Variants in WDR70 observed in about 807,000 individuals in gnomAD.
WDR70 encodes WD repeat domain 70, also known as WD repeat-containing protein 70.
A neutral mutation model predicts 88.6 loss-of-function variants in WDR70; 53 were observed. The observed-to-expected ratio is 0.60, with a 90% confidence interval of 0.48 to 0.75. The LOEUF (loss-of-function observed/expected upper bound fraction) is 0.75. Ranked by LOEUF, WDR70 falls within the 30% of genes least tolerant of loss-of-function variation. The pLI, the probability that WDR70 is intolerant of heterozygous loss-of-function variation, is 0.00. For synonymous variants in WDR70, 280 were observed against 270.0 expected (o/e 1.04, Z -0.36); for missense variants, 610 against 823.2 (o/e 0.74, Z 3.17).
At chr5:37,672,657 T>A (rs116481697) in intron 10 of WDR70, among the ~76,000 whole-genome samples, 2,073 of 152,256 alleles carry the variant, frequency 0.014, 40 homozygotes, top group African/African-American at 0.046. Flanking sequence ...TCCCCACTCT[T>A]AGCCTGTTCT....
chr5:37,512,278 AGTG>A (rs1158840739), intron 8 of WDR70, among the ~76,000 whole-genome samples: 1 of 151,806 alleles, frequency 6.6e-6, no homozygotes, highest in Non-Finnish European at 1.5e-5. Flanking sequence ...GCTGGAGTGT[AGTG>A]GTGTGATCTC....
At chr5:37,563,179 A>ACC (rs1227696112) in intron 9 of WDR70, among the ~76,000 whole-genome samples, 1 of 53,014 alleles carries the variant, frequency 1.9e-5, no homozygotes, top group African/African-American at 5.5e-5. Context: ...CGGGGGGCTG[A>ACC]CCCCCCCACC....
intron 10 of WDR70, among the ~76,000 whole-genome samples, chr5:37,666,703 C>G (rs1333188406): frequency 6.6e-6 from 1 of 152,084 alleles, no homozygotes; most frequent in African/African-American, 2.4e-5. Context: ...AAATGAGGGT[C>G]AGAGCAGAGG....
At chr5:37,631,450 A>G (rs1204337670) in intron 10 of WDR70, among the ~76,000 whole-genome samples, 1 of 152,188 alleles carries the variant, frequency 6.6e-6, no homozygotes, top group Non-Finnish European at 1.5e-5. Flanking sequence ...TGATAGTAGT[A>G]ATAATAATTA....
chr5:37,583,420 C>CAAAA (rs142442041), intron 9 of WDR70, among the ~76,000 whole-genome samples: 1 of 59,258 alleles, frequency 1.7e-5, no homozygotes, highest in African/African-American at 5.1e-5. Context: ...GACTCTGTCT[C>CAAAA]AAAAAAAAAA....
At chr5:37,401,848 A>G (rs374419345) in intron 5 of WDR70, among the ~76,000 whole-genome samples, 2 of 152,152 alleles carry the variant, frequency 1.3e-5, no homozygotes, top group East Asian at 1.9e-4. Context: ...GTGATCCTCC[A>G]CACCTGTATA....
chr5:37,627,125 G>C (rs919092714), intron 10 of WDR70, among the ~76,000 whole-genome samples: 1 of 151,958 alleles, frequency 6.6e-6, no homozygotes, highest in Non-Finnish European at 1.5e-5. Flanking sequence ...GTCTCACTCT[G>C]TTGCCCAGGC....
intron 17 of WDR70, among the ~76,000 whole-genome samples, chr5:37,730,098 A>G: frequency 6.6e-6 from 1 of 152,192 alleles, no homozygotes; most frequent in Non-Finnish European, 1.5e-5. Flanking sequence ...TAATTACAAC[A>G]TATGAACACA....
intron 9 of WDR70, among the ~76,000 whole-genome samples, chr5:37,552,525 T>G (rs1024210487): frequency 6.6e-6 from 1 of 152,076 alleles, no homozygotes; most frequent in African/African-American, 2.4e-5. Flanking sequence ...GCAAGAGGAG[T>G]GAAAGCAGTG....
At chr5:37,529,996 T>G (rs752752028) in intron 9 of WDR70, among the ~76,000 whole-genome samples, 13 of 152,124 alleles carry the variant, frequency 8.5e-5, no homozygotes, top group Non-Finnish European at 1.6e-4. Context: ...GGTATGTCCC[T>G]TCTATGTCAA....
rs185254191 is a variant in WDR70 at position 37,722,095 on chromosome 5, A to T, written c.1518-760A>T. 25 of 152,340 alleles carry T rather than the reference A, an allele frequency of 1.6e-4. No individual in the cohort carries two copies. In the East Asian group the frequency reaches 4.8e-3, roughly 29 times the overall value. 9.4% of individuals were successfully genotyped at this position (152,340 alleles called of 1,614,324 possible). A position where few individuals can be genotyped will look rare whatever the true frequency, so the allele number is the denominator to read the frequency against. On this transcript the variant is annotated intron_variant, in intron 14 of 17. Coordinates refer to ENST00000265107, the MANE Select transcript of WDR70 (RefSeq NM_018034.4). ...GGACTAGAGTTGGAATCCTGGCCTT[A>T]TACAATAAAGTATATTTATGGTATT... is the stretch of plus-strand genomic sequence containing the variant.
intron 3 of WDR70, among the ~76,000 whole-genome samples, chr5:37,387,998 C>T (rs531453489): frequency 1.1e-4 from 16 of 151,998 alleles, no homozygotes; most frequent in South Asian, 8.3e-4. Context: ...GGATGAATTA[C>T]GGTAAAACCC....
At chr5:37,562,041 G>A (rs2112377791) in intron 9 of WDR70, among the ~76,000 whole-genome samples, 1 of 152,110 alleles carries the variant, frequency 6.6e-6, no homozygotes, top group South Asian at 2.1e-4. Context: ...GTCATTAAGT[G>A]AAAATTTTTC....
chr5:37,581,320 T>C (rs1165854494), intron 9 of WDR70, among the ~76,000 whole-genome samples: 2 of 152,162 alleles, frequency 1.3e-5, no homozygotes, highest in Non-Finnish European at 2.9e-5. Flanking sequence ...CAAGAGACTG[T>C]ATTAAGTGCT....
At chr5:37,488,232 C>T (rs1183831351) in intron 8 of WDR70, among the ~76,000 whole-genome samples, 1 of 151,054 alleles carries the variant, frequency 6.6e-6, no homozygotes, top group Non-Finnish European at 1.5e-5. Context: ...TTAGAATTTC[C>T]TCTTTGTCTT....
chr5:37,570,808 C>T (rs1429639085), intron 9 of WDR70, among the ~76,000 whole-genome samples: 1 of 152,262 alleles, frequency 6.6e-6, no homozygotes, highest in Non-Finnish European at 1.5e-5. Context: ...ATGTTCTTTA[C>T]CCATTTTTGT....
At chr5:37,518,954 A>G (rs1740986081) in intron 9 of WDR70, among the ~76,000 whole-genome samples, 1 of 152,170 alleles carries the variant, frequency 6.6e-6, no homozygotes, top group African/African-American at 2.4e-5. Context: ...CCCTTAATCC[A>G]TTTAACCCTG....
intron 14 of WDR70, chr5:37,721,881 C>A (rs752001943): frequency 1.3e-5 from 2 of 152,128 alleles, no homozygotes; most frequent in Non-Finnish European, 2.9e-5. Context: ...GATAAGCTTT[C>A]TTTAGAGTAA....
intron 9 of WDR70, among the ~76,000 whole-genome samples, chr5:37,552,780 T>G (rs1170845018): frequency 1.3e-5 from 2 of 152,222 alleles, no homozygotes; most frequent in Non-Finnish European, 1.5e-5. Context: ...TTGAGCTGAA[T>G]GCACAGAGAT....
Sources: allele counts gnomAD v4.1 joint callset (sites outside exome capture counted in the v4.1 genomes callset), GRCh38; gene constraint gnomAD v4.1.1; transcripts MANE v1.5; gene names NCBI Gene and HGNC (gene_info 2026-07-23, HGNC 2026-07-21).